PTPN9: variants seen among roughly 807,000 people sequenced by gnomAD.
PTPN9 encodes tyrosine-protein phosphatase non-receptor type 9.
Under a neutral mutation model 69.8 loss-of-function variants are expected in PTPN9, and 26 were observed. That is an observed-to-expected ratio of 0.37 (90% CI 0.27 to 0.52). The LOEUF is 0.52. PTPN9 is among the 20% of genes least tolerant of loss of function. PTPN9 has a pLI of 0.91. For missense variants in PTPN9, 549 were observed against 740.3 expected, an observed-to-expected ratio of 0.74 and a Z score of 3.00; for synonymous variants, 274 against 272.5, an observed-to-expected ratio of 1.01 and a Z score of -0.05.
chr15:75,577,700 A>C (rs900379099), intron 1 of PTPN9, among the ~76,000 whole-genome samples: 22 of 152,260 alleles, frequency 1.4e-4, no homozygotes, highest in African/African-American at 5.1e-4. Flanking sequence ...TGGTCCTTGG[A>C]AACAAGAGCT....
intron 1 of PTPN9, among the ~76,000 whole-genome samples, chr15:75,553,924 G>A (rs1171398426): frequency 6.6e-6 from 1 of 151,726 alleles, no homozygotes; most frequent in Non-Finnish European, 1.5e-5. Flanking sequence ...CCCTTAAAGG[G>A]ATGAAGCTGG....
intron 4 of PTPN9, among the ~76,000 whole-genome samples, chr15:75,521,001 C>T (rs1461780532): frequency 3.3e-5 from 5 of 151,992 alleles, no homozygotes; most frequent in Non-Finnish European, 5.9e-5. Flanking sequence ...CAAATACCAC[C>T]ATGCCTGGCT....
At chr15:75,503,582 C>A (rs1158401676) in intron 7 of PTPN9, among the ~76,000 whole-genome samples, 4 of 136,832 alleles carry the variant, frequency 2.9e-5, no homozygotes, top group Non-Finnish European at 4.9e-5. Context: ...CCGCTCCGTC[C>A]GGGAGGGAGG....
chr15:75,526,064 C>T (rs1470914343), intron 2 of PTPN9, among the ~76,000 whole-genome samples: 1 of 149,056 alleles, frequency 6.7e-6, no homozygotes, highest in Admixed American at 6.7e-5. Context: ...GGTGTGATCT[C>T]GGCTCACTGC....
At chr15:75,559,083 G>C (rs1455458584) in intron 1 of PTPN9, among the ~76,000 whole-genome samples, 4 of 151,804 alleles carry the variant, frequency 2.6e-5, no homozygotes, top group Non-Finnish European at 1.5e-5. Flanking sequence ...TAGGAAGTGA[G>C]GAGCGTCTCT....
intron 1 of PTPN9, among the ~76,000 whole-genome samples, chr15:75,574,285 CA>C (rs2075161672): frequency 7.9e-6 from 1 of 126,178 alleles, no homozygotes; most frequent in Non-Finnish European, 1.6e-5. Context: ...ATCCTGTCTC[CA>C]CAAAAAAAAA....
chr15:75,520,842 T>C (rs1398121991), intron 4 of PTPN9, among the ~76,000 whole-genome samples: 1 of 152,004 alleles, frequency 6.6e-6, no homozygotes, highest in Non-Finnish European at 1.5e-5. Context: ...TTTACTCTGT[T>C]GCCCATGCTG....
intron 1 of PTPN9, among the ~76,000 whole-genome samples, chr15:75,552,795 G>A (rs959140925): frequency 1.4e-5 from 2 of 147,894 alleles, no homozygotes; most frequent in Non-Finnish European, 3.0e-5. Context: ...GAGAGTCACC[G>A]GCAAACTAGA....
At chr15:75,563,085 C>A (rs1003426389) in intron 1 of PTPN9, among the ~76,000 whole-genome samples, 23 of 152,084 alleles carry the variant, frequency 1.5e-4, no homozygotes, top group South Asian at 4.1e-4. Flanking sequence ...GCCCTCCTCC[C>A]ACTCTCCACA....
At chr15:75,578,175 A>T (rs1363795371) in intron 1 of PTPN9, among the ~76,000 whole-genome samples, 2 of 152,148 alleles carry the variant, frequency 1.3e-5, no homozygotes, top group East Asian at 3.9e-4. Context: ...GAAGGGCTGG[A>T]TCTTCCATAA....
rs2141665842 is a variant in PTPN9, at chr15:75,464,698, TAA to T, written c.*4069_*4070del. 1 of 152,320 alleles carries T rather than the reference TAA, an allele frequency of 6.6e-6. No individual in the cohort carries two copies. The highest frequency in any genetic ancestry group is 2.1e-4 in the South Asian group (1 of 4,826). 9.4% of individuals were successfully genotyped at this position (152,320 alleles called of 1,614,324 possible). ...CAATTCCCTCTAGGTCTCTGATTTATAAAAGTTTTTGTATGTGTGTCTGTCTG... is the reference window on the plus strand; with the variant it reads ...CAATTCCCTCTAGGTCTCTGATTTATAAGTTTTTGTATGTGTGTCTGTCTG... On this transcript the variant is annotated 3_prime_UTR_variant, in exon 13 of 13. Coordinates refer to ENST00000618819, the MANE Select transcript of PTPN9 (RefSeq NM_002833.4).
chr15:75,515,782 C>T (rs1265644352), intron 5 of PTPN9, among the ~76,000 whole-genome samples: 1 of 151,958 alleles, frequency 6.6e-6, no homozygotes, highest in Non-Finnish European at 1.5e-5. Context: ...CCTATAATCC[C>T]AGCTATTCAG....
At chr15:75,548,255 T>A (rs2075042568) in intron 1 of PTPN9, among the ~76,000 whole-genome samples, 1 of 151,488 alleles carries the variant, frequency 6.6e-6, no homozygotes, top group Non-Finnish European at 1.5e-5. Context: ...AATATAAACT[T>A]CTTCTTTTTT....
chr15:75,512,308 C>G (rs370985742), intron 5 of PTPN9, among the ~76,000 whole-genome samples: 17 of 151,632 alleles, frequency 1.1e-4, no homozygotes, highest in African/African-American at 4.1e-4. Flanking sequence ...CTCAAGTGAT[C>G]CTCCTGCCTC....
intron 1 of PTPN9, among the ~76,000 whole-genome samples, chr15:75,535,738 CCT>C (rs1280007044): frequency 6.6e-5 from 10 of 152,142 alleles, no homozygotes; most frequent in East Asian, 1.9e-4. Context: ...CTGTTTCCCC[CCT>C]CTCTCCTTCA....
chr15:75,570,943 T>A (rs1279613932), intron 1 of PTPN9, among the ~76,000 whole-genome samples: 1 of 152,074 alleles, frequency 6.6e-6, no homozygotes, highest in Non-Finnish European at 1.5e-5. Context: ...TAAGCTAACA[T>A]GGTTCTAAAA....
chr15:75,502,127 GAGA>G (rs1477088495), intron 7 of PTPN9, among the ~76,000 whole-genome samples: 5 of 151,712 alleles, frequency 3.3e-5, no homozygotes, highest in East Asian at 3.9e-4. Flanking sequence ...AAAAGGAGAA[GAGA>G]AGAAGAAAAG....
chr15:75,562,120 T>C (rs935369754), intron 1 of PTPN9, among the ~76,000 whole-genome samples: 13 of 152,168 alleles, frequency 8.5e-5, no homozygotes, highest in Non-Finnish European at 1.9e-4. Flanking sequence ...CCCACAGTAC[T>C]GGGATTACAG....
intron 1 of PTPN9, among the ~76,000 whole-genome samples, chr15:75,568,507 CAAA>C (rs1206871976): frequency 7.1e-5 from 4 of 56,254 alleles, no homozygotes; most frequent in Admixed American, 2.1e-4. Context: ...GACCTTGTCT[CAAA>C]AAAAAAAAAA....
Sources: allele counts gnomAD v4.1 joint callset (sites outside exome capture counted in the v4.1 genomes callset), GRCh38; gene constraint gnomAD v4.1.1; transcripts MANE v1.5; gene names NCBI Gene and HGNC (gene_info 2026-07-23, HGNC 2026-07-21).